The following XBP1 variants were observed in gnomAD, a reference collection of about 807,000 sequenced individuals.
The protein encoded by XBP1 is X-box binding protein 1, also known as X-box-binding protein 1.
Under a neutral mutation model 34.6 loss-of-function variants are expected in XBP1, and 18 were observed. The observed-to-expected ratio is 0.52, with a 90% CI of 0.36 to 0.77. The LOEUF is 0.77. Among genes scored for constraint, XBP1 ranks in the 30% least tolerant of loss-of-function variants. The pLI is 0.00. For missense variants in XBP1, 422 were observed against 464.6 expected (o/e 0.91, Z 0.84); for synonymous variants, 191 against 193.4 (o/e 0.99, Z 0.11).
At chr22:28,800,182 A>C in intron 1 of XBP1, 116 bp downstream of exon 1, 1 of 1,256,708 alleles carries the variant, frequency 8.0e-7, no homozygotes, top group South Asian at 1.4e-5. Flanking sequence ...GCCAGGCCAA[A>C]GGCGACGGAG....
chr22:28,800,367 C>A, exon 1 of XBP1: 4 of 1,541,578 alleles, frequency 2.6e-6, no homozygotes, highest in Non-Finnish European at 3.5e-6. Context: ...GGGCAGCCCC[C>A]CGCTCGCTGC....
chr22:28,799,974 A>C (rs778195680), intron 1 of XBP1: 3 of 779,394 alleles, frequency 3.8e-6, no homozygotes, highest in African/African-American at 3.4e-5. Flanking sequence ...TGTCCGAGTT[A>C]AGAGGCTGAA....
downstream of XBP1, chr22:28,795,055 A>T: frequency 1.1e-6 from 1 of 928,702 alleles, no homozygotes. Context: ...CAAATAGAGG[A>T]ATTCTCTAGG....
At chr22:28,796,226 C>T in intron 3 of XBP1, 34 bp from the exon 4 acceptor site, 5 of 1,498,136 alleles carry the variant, frequency 3.3e-6, no homozygotes, top group Non-Finnish European at 4.4e-6. Flanking sequence ...TAAACAGCTT[C>T]AAGTGCCCAA....
intron 1 of XBP1, chr22:28,799,876 G>C (rs1206573413): frequency 2.8e-6 from 2 of 712,428 alleles, no homozygotes; most frequent in Non-Finnish European, 5.2e-6. Context: ...GAGCCTCGCA[G>C]AATTCCCAGC....
intron 1 of XBP1, chr22:28,800,034 C>A (rs760842425): frequency 1.3e-6 from 1 of 778,694 alleles, no homozygotes. Flanking sequence ...CAGGTGCCCG[C>A]ATCCCCAGCT....
chr22:28,800,200 G>C (rs1569205523), intron 1 of XBP1, 98 bp downstream of exon 1: 2 of 1,378,458 alleles, frequency 1.5e-6, no homozygotes, highest in South Asian at 1.3e-5. Context: ...GAGCCCTGCG[G>C]GGCGGCCAGT....
intron 2 of XBP1, among the ~76,000 whole-genome samples, chr22:28,797,819 T>A (rs940138667): frequency 2.0e-5 from 3 of 150,484 alleles, no homozygotes; most frequent in Admixed American, 6.6e-5. Context: ...AATAATAATA[T>A]AAAATAAAAA....
chr22:28,796,418 G>A (rs2031753594), intron 3 of XBP1: 5 of 398,292 alleles, frequency 1.3e-5, no homozygotes, highest in South Asian at 6.5e-5. Context: ...ATGTTTCATT[G>A]TGCAGGAAAT....
At chr22:28,794,687 T>G (rs1005361807), downstream of XBP1, 2 of 152,538 alleles carry the variant, frequency 1.3e-5, no homozygotes, top group Non-Finnish European at 2.9e-5. Context: ...TCACAAAAGA[T>G]TCTTGATCTT....
At chr22:28,797,147 A>G (rs1279436101) in exon 3 of XBP1, 3 of 1,613,372 alleles carry the variant, frequency 1.9e-6, no homozygotes, top group African/African-American at 1.3e-5. Flanking sequence ...CTGGTTCTCA[A>G]CTACAAGGCC....
chr22:28,799,024 T>C (rs2031808830), intron 2 of XBP1, 33 bp downstream of exon 2: 14 of 1,558,886 alleles, frequency 9.0e-6, no homozygotes, highest in African/African-American at 2.7e-5. Flanking sequence ...GGGTATACAA[T>C]GGATAAAAGA....
intron 1 of XBP1, 153 bp downstream of exon 1, chr22:28,800,145 C>A: frequency 1.1e-6 from 1 of 906,606 alleles, no homozygotes; most frequent in South Asian, 1.6e-5. Flanking sequence ...CTTCCTGCCC[C>A]GCCCCGCGCC....
exon 3 of XBP1, chr22:28,797,123 C>A (rs767536869): frequency 6.2e-7 from 1 of 1,613,142 alleles, no homozygotes. Context: ...CATCCCCAAG[C>A]GCTGTCTTAA....
exon 6 of XBP1, chr22:28,795,226 A>C: frequency 6.5e-7 from 1 of 1,542,170 alleles, no homozygotes. Flanking sequence ...TGTCCTCCCA[A>C]GAATGGTTTA....
At chr22:28,800,368 C>A (rs747939605) in exon 1 of XBP1, 3 of 1,541,392 alleles carry the variant, frequency 1.9e-6, no homozygotes, top group Non-Finnish European at 2.6e-6. Flanking sequence ...GGCAGCCCCC[C>A]GCTCGCTGCC....
chr22:28,799,902 G>A (rs2031834905), intron 1 of XBP1: 4 of 763,174 alleles, frequency 5.2e-6, no homozygotes, highest in Middle Eastern at 2.3e-4. Context: ...CAACAGCTCT[G>A]TTATTTCAGC....
intron 2 of XBP1, among the ~76,000 whole-genome samples, chr22:28,798,002 C>A (rs1398138885): frequency 6.6e-6 from 1 of 151,836 alleles, no homozygotes; most frequent in Admixed American, 6.6e-5. Flanking sequence ...GTTAAAAAAA[C>A]AATATAAATA....
intron 2 of XBP1, among the ~76,000 whole-genome samples, chr22:28,797,837 C>A (rs2031778256): frequency 6.6e-6 from 1 of 151,422 alleles, no homozygotes; most frequent in African/African-American, 2.4e-5. Context: ...AAATAAATAA[C>A]TATCTTGAAC....
Sources: gnomAD v4.1 joint callset for allele counts (sites outside exome capture counted in the v4.1 genomes callset) on GRCh38, gnomAD v4.1.1 for gene constraint, MANE v1.5 for transcripts, NCBI Gene and HGNC (gene_info 2026-07-23, HGNC 2026-07-21) for gene names.